FBXO11: variants seen among roughly 807,000 people sequenced by gnomAD.
FBXO11 encodes F-box protein 11, also known as F-box only protein 11.
A neutral mutation model predicts 117.0 loss-of-function variants in FBXO11; 13 were observed. That is an observed-to-expected ratio of 0.11 (90% CI 0.07 to 0.18). FBXO11 has a LOEUF of 0.18. Ranked by LOEUF, FBXO11 falls within the 10% of genes least tolerant of loss-of-function variation. The probability of loss-of-function intolerance (pLI) is 1.00; values close to 1 mark genes in which losing one functional copy is unlikely to be tolerated. For synonymous variants in FBXO11, 490 were observed against 380.5 expected (o/e 1.29, Z -3.35); for missense variants, 767 against 1,164.4 (o/e 0.66, Z 4.97).
intron 11 of FBXO11, among the ~76,000 whole-genome samples, chr2:47,825,216 C>T (rs1421004640): frequency 6.6e-6 from 1 of 152,132 alleles, no homozygotes; most frequent in Non-Finnish European, 1.5e-5. Flanking sequence ...TTTCAGACTT[C>T]ATTTTCTAAT....
chr2:47,898,563 T>G (rs571944174), intron 1 of FBXO11, among the ~76,000 whole-genome samples: 1 of 152,342 alleles, frequency 6.6e-6, no homozygotes, highest in Non-Finnish European at 1.5e-5. Context: ...CTTTGTATAA[T>G]GAGTGCTTAA....
intron 1 of FBXO11, among the ~76,000 whole-genome samples, chr2:47,842,283 G>C (rs998948064): frequency 2.0e-5 from 3 of 152,082 alleles, no homozygotes; most frequent in African/African-American, 7.2e-5. Flanking sequence ...CAAAGTGCTG[G>C]GATTACAGGC....
At chr2:47,821,230 G>C (rs1671355216) in intron 13 of FBXO11, among the ~76,000 whole-genome samples, 1 of 152,120 alleles carries the variant, frequency 6.6e-6, no homozygotes, top group Non-Finnish European at 1.5e-5. Context: ...CCAGCAATCT[G>C]GGAGGCTGAG....
rs568081114 is a variant in FBXO11 at position 47,823,510 on chromosome 2, C to G, written c.1399-150G>C. ...TGACTCACGCCTGTTAATCCCAGCA[C>G]TTTGGGAGCCCTAGGAAGGTGGATC... On this transcript the variant is annotated intron_variant, in intron 11 of 22. Transcript: ENST00000403359. 2.6e-4 allele frequency: 172 copies of G among 651,626 alleles called. No homozygotes were observed. In the African/African-American group the frequency reaches 2.9e-3, roughly 11 times the overall value. The allele number at this position is 651,626 out of a possible 1,614,324, so 40.4% of individuals were successfully genotyped here.
chr2:47,870,279 A>G (rs1675527128), intron 1 of FBXO11, among the ~76,000 whole-genome samples: 1 of 152,100 alleles, frequency 6.6e-6, no homozygotes, highest in Non-Finnish European at 1.5e-5. Flanking sequence ...TCTGCTCTGT[A>G]CTACCCATAA....
chr2:47,831,171 C>T (rs552508062), intron 11 of FBXO11, among the ~76,000 whole-genome samples: 7 of 151,576 alleles, frequency 4.6e-5, no homozygotes, highest in African/African-American at 1.7e-4. Context: ...AATCCCAGGA[C>T]TTTGGGAGGC....
In FBXO11 at chr2:47,841,206, A is replaced by C. The variant is rs193133191; in HGVS notation, c.233-1437T>G. On this transcript the variant is annotated intron_variant, in intron 1 of 22. Transcript: ENST00000403359. ...GAGCAAGACTCCGTCTCAAAAAAAA[A>C]CCAAAAACCAAAAAACAAAACTGGT... Among the ~76,000 whole-genome samples the C allele has an allele frequency of 3.2e-3, 488 of 152,300 alleles. 3 individuals carry two copies. The highest frequency in any genetic ancestry group is 4.7e-3 in the Non-Finnish European group (317 of 68,014).
At chr2:47,818,932 T>C in intron 15 of FBXO11, 24 bp downstream of exon 15, 4 of 1,598,582 alleles carry the variant, frequency 2.5e-6, no homozygotes, top group Non-Finnish European at 3.4e-6. Flanking sequence ...GTATTTCCCA[T>C]CCAAGAGTCC....
rs760592135 is a variant in FBXO11 at position 47,839,432 on chromosome 2, T to C, written c.429A>G (p.Ser143=). ...CACAGGAAATACCTGATAGATCTTGTGATTTTCCAGACACTCTTGCACGTT... is the reference window on the plus strand; with the variant it reads ...CACAGGAAATACCTGATAGATCTTGCGATTTTCCAGACACTCTTGCACGTT... ...RAKRARVSGK[S]QDLSAAPAEQ... is the part of the protein sequence containing the mutation. Residue 143 remains serine, a synonymous_variant, in exon 3 of 23, where the codon TCA becomes TCG. Transcript: ENST00000403359. 3.7e-6 allele frequency: 6 copies of C among 1,612,748 alleles called. No individual in the cohort carries two copies. Among genetic ancestry groups the C allele is most frequent in the African/African-American group, 2.7e-5 (2 of 74,880 alleles).
At chr2:47,844,939 T>G (rs1558436172) in intron 1 of FBXO11, among the ~76,000 whole-genome samples, 1 of 152,188 alleles carries the variant, frequency 6.6e-6, no homozygotes, top group Non-Finnish European at 1.5e-5. Context: ...GCCCAGCCCT[T>G]ATTACATATT....
Position 47,898,009 on chromosome 2 carries a change from T to C in FBXO11, c.232+7480A>G, listed in dbSNP as rs142943372. Among the ~76,000 whole-genome samples, 111 of 152,320 alleles carry C rather than the reference T, an allele frequency of 7.3e-4. 2 individuals are homozygous for C. The South Asian group carries it at 0.011, about 15-fold the overall frequency. On this transcript the variant is annotated intron_variant, in intron 1 of 22. Transcript: ENST00000403359. ...TGTTTTTTAAGGTTTAGTCACCACA[T>C]GGAAGAAAACAATTTTCTCCCCTTT...
intron 1 of FBXO11, among the ~76,000 whole-genome samples, chr2:47,847,894 G>A (rs1391798198): frequency 6.6e-6 from 1 of 152,060 alleles, no homozygotes; most frequent in South Asian, 2.1e-4. Context: ...GGAGGCTGAG[G>A]CGGGTGGATC....
At position 47,806,944 on chromosome 2, in the gene FBXO11, T is replaced by G; in HGVS notation, c.*1174A>C. The stretch of plus-strand genomic sequence containing the variant: ...ATTATGATCTAATAAACTTTATTTT[T>G]TAAAAATGACCATTTTTCCATTTTC... On this transcript the variant is annotated 3_prime_UTR_variant, in exon 23 of 23. Transcript: ENST00000403359. 9.4e-7 allele frequency: 1 copy of G among 1,059,060 alleles called. No individual in the cohort carries two copies. Among genetic ancestry groups the G allele is most frequent in the East Asian group, 2.4e-5 (1 of 40,858 alleles). 65.6% of individuals were successfully genotyped at this position (1,059,060 alleles called of 1,614,324 possible). A position where few individuals can be genotyped will look rare whatever the true frequency, so the allele number is the denominator to read the frequency against.
At chr2:47,904,828 T>C (rs1457916896) in intron 1 of FBXO11, among the ~76,000 whole-genome samples, 2 of 151,976 alleles carry the variant, frequency 1.3e-5, no homozygotes, top group African/African-American at 2.4e-5. Flanking sequence ...CTTGATTTAA[T>C]GGGTCCTTCC....
At chr2:47,864,832 A>G (rs559512212) in intron 1 of FBXO11, among the ~76,000 whole-genome samples, 15 of 152,212 alleles carry the variant, frequency 9.9e-5, no homozygotes, top group Non-Finnish European at 1.6e-4. Flanking sequence ...TACTTCTACT[A>G]AATGAATCAA....
At chr2:47,856,576 G>T (rs747240225) in intron 1 of FBXO11, among the ~76,000 whole-genome samples, 7 of 152,162 alleles carry the variant, frequency 4.6e-5, no homozygotes, top group Non-Finnish European at 8.8e-5. Flanking sequence ...ATGTAAAAAA[G>T]AATCCATCAA....
At position 47,808,403 on chromosome 2, in the gene FBXO11, A is replaced by G. The variant is rs1204249762; in HGVS notation, c.2580T>C (p.Asp860=). Residue 860 remains aspartate, a synonymous_variant, in exon 22 of 23, where the codon GAT becomes GAC. Transcript: ENST00000403359. ...FYRCHTCNTT[D]RNAICVNCIK... is the part of the protein sequence containing the mutation. ...TGCAGTTCACACATATGGCATTTCG[A>G]TCTGTGGTGTTACAAGTATGACATC... is the stretch of plus-strand genomic sequence containing the variant. 4 of 1,604,868 alleles carry G rather than the reference A, an allele frequency of 2.5e-6. No individual in the cohort carries two copies. The highest frequency in any genetic ancestry group is 3.4e-6 in the Non-Finnish European group (4 of 1,176,550).
chr2:47,830,546 C>CAAAATA (rs1260299294), intron 11 of FBXO11, among the ~76,000 whole-genome samples: 1 of 151,660 alleles, frequency 6.6e-6, no homozygotes, highest in Non-Finnish European at 1.5e-5. Flanking sequence ...TAAACCTTTG[C>CAAAATA]AAAATAAAAA....
rs1403243874 is a variant in FBXO11, at chr2:47,823,505, C to T, written c.1399-145G>A. The T allele has an allele frequency of 1.9e-5, 13 of 673,336 alleles. No homozygotes were observed. In the Middle Eastern group the frequency reaches 1.6e-3, roughly 84 times the overall value. The allele number at this position is 673,336 out of a possible 1,614,324, so 41.7% of individuals were successfully genotyped here. On this transcript the variant is annotated intron_variant, in intron 11 of 22. Coordinates refer to ENST00000403359, the MANE Select transcript of FBXO11 (RefSeq NM_001190274.2). ...CGTGGTGACTCACGCCTGTTAATCC[C>T]AGCACTTTGGGAGCCCTAGGAAGGT... is the stretch of plus-strand genomic sequence containing the variant.
Sources: allele counts gnomAD v4.1 joint callset (sites outside exome capture counted in the v4.1 genomes callset), GRCh38; gene constraint gnomAD v4.1.1; transcripts MANE v1.5; gene names NCBI Gene and HGNC (gene_info 2026-07-23, HGNC 2026-07-21).